PRKCA: variants seen among roughly 807,000 people sequenced by gnomAD.
The protein encoded by PRKCA is protein kinase C alpha type.
A neutral mutation model predicts 87.0 loss-of-function variants in PRKCA; 27 were observed. The ratio of observed to expected loss-of-function variants is 0.31; its 90% CI spans 0.23 to 0.43. PRKCA has a LOEUF of 0.43. PRKCA is among the 20% of genes least tolerant of loss of function. The probability of loss-of-function intolerance (pLI) is 1.00; values close to 1 mark genes in which losing one functional copy is unlikely to be tolerated. For synonymous variants in PRKCA, 329 were observed against 311.1 expected, an observed-to-expected ratio of 1.06 and a Z score of -0.61; for missense variants, 518 against 852.3, an observed-to-expected ratio of 0.61 and a Z score of 4.88.
At chr17:66,708,120 T>C (rs1973233408) in intron 8 of PRKCA, among the ~76,000 whole-genome samples, 1 of 152,200 alleles carries the variant, frequency 6.6e-6, no homozygotes, top group Non-Finnish European at 1.5e-5. Context: ...GTACACATGA[T>C]GGTGGCACTT....
chr17:66,381,097 G>T (rs914159818), intron 2 of PRKCA, among the ~76,000 whole-genome samples: 2 of 151,838 alleles, frequency 1.3e-5, no homozygotes, highest in Non-Finnish European at 2.9e-5. Flanking sequence ...AAGCCACCAC[G>T]CCCAGCTAAG....
chr17:66,678,008 A>G (rs1972383559), intron 5 of PRKCA, among the ~76,000 whole-genome samples: 1 of 152,206 alleles, frequency 6.6e-6, no homozygotes, highest in Admixed American at 6.5e-5. Context: ...CCACCACCCA[A>G]AGACATCAGA....
chr17:66,340,433 G>C (rs996492987), intron 2 of PRKCA, among the ~76,000 whole-genome samples: 4 of 141,280 alleles, frequency 2.8e-5, no homozygotes, highest in African/African-American at 1.1e-4. Flanking sequence ...GCCCCAGTTT[G>C]GTTTAAGTTT....
chr17:66,616,663 A>G (rs985270390), intron 3 of PRKCA, among the ~76,000 whole-genome samples: 6 of 152,040 alleles, frequency 3.9e-5, no homozygotes, highest in South Asian at 4.1e-4. Flanking sequence ...GATGGTGGAA[A>G]CCACTTAGTG....
intron 3 of PRKCA, among the ~76,000 whole-genome samples, chr17:66,632,250 A>G (rs1220684429): frequency 1.3e-5 from 2 of 152,224 alleles, no homozygotes; most frequent in Admixed American, 1.3e-4. Context: ...AGATAATGTT[A>G]AAAGTCTCAT....
At chr17:66,749,342 C>A (rs1249755364) in intron 13 of PRKCA, among the ~76,000 whole-genome samples, 1 of 151,268 alleles carries the variant, frequency 6.6e-6, no homozygotes, top group Non-Finnish European at 1.5e-5. Context: ...CCTTTCCACT[C>A]TCCAATTTGC....
chr17:66,373,676 T>C (rs1598622809), intron 2 of PRKCA, among the ~76,000 whole-genome samples: 1 of 152,240 alleles, frequency 6.6e-6, no homozygotes, highest in African/African-American at 2.4e-5. Flanking sequence ...GGTATTGCTT[T>C]TGCCATTCAG....
At chr17:66,756,959 G>A (rs550554929) in intron 13 of PRKCA, among the ~76,000 whole-genome samples, 3 of 152,316 alleles carry the variant, frequency 2.0e-5, no homozygotes, top group South Asian at 4.1e-4. Context: ...CACCGTGCCT[G>A]GCCATAACCA....
chr17:66,794,583 C>T (rs771117526), intron 16 of PRKCA, among the ~76,000 whole-genome samples: 17 of 147,878 alleles, frequency 1.1e-4, no homozygotes, highest in East Asian at 4.0e-4. Context: ...TTAGCATGTT[C>T]GTGTTATATT....
At chr17:66,767,664 A>G (rs1974841215) in intron 13 of PRKCA, among the ~76,000 whole-genome samples, 1 of 152,128 alleles carries the variant, frequency 6.6e-6, no homozygotes. Flanking sequence ...AAATCAGGCA[A>G]CCCTCCTCCA....
At chr17:66,664,806 A>T (rs538123660) in intron 5 of PRKCA, among the ~76,000 whole-genome samples, 14 of 151,936 alleles carry the variant, frequency 9.2e-5, no homozygotes, top group Admixed American at 7.2e-4. Context: ...ACACCCAGAT[A>T]ATTTTTTAAA....
intron 5 of PRKCA, among the ~76,000 whole-genome samples, chr17:66,684,989 T>A (rs1972586973): frequency 1.3e-5 from 2 of 152,218 alleles, no homozygotes; most frequent in Admixed American, 1.3e-4. Context: ...TCAGGGTTGA[T>A]GTTTTAGTGG....
At chr17:66,512,794 G>A (rs1335344695) in intron 3 of PRKCA, among the ~76,000 whole-genome samples, 2 of 152,226 alleles carry the variant, frequency 1.3e-5, no homozygotes, top group East Asian at 3.9e-4. Context: ...CCAGGTTCGA[G>A]CAATTCTCCT....
intron 2 of PRKCA, among the ~76,000 whole-genome samples, chr17:66,408,344 A>G (rs1911540950): frequency 6.6e-6 from 1 of 152,208 alleles, no homozygotes; most frequent in African/African-American, 2.4e-5. Context: ...TACCTTTGTA[A>G]TGGTATAATT....
At chr17:66,305,976 A>T in intron 1 of PRKCA, 120 bp from the exon 2 acceptor site, 1 of 905,646 alleles carries the variant, frequency 1.1e-6, no homozygotes, top group Admixed American at 2.1e-5. Flanking sequence ...TTTTCTATTA[A>T]ATCATTGGGT....
Position 66,688,444 on chromosome 17 carries a change from AGCCGCTTAG to A in PRKCA, c.821+10_821+18del, listed in dbSNP as rs1310854047. On this transcript the variant is annotated intron_variant, in intron 7 of 16. Transcript: ENST00000413366. ...GATGCCGGCCAGTGGATGGTATGGAAGCCGCTTAGGTTGAGTATGTCTCAAAGCATCAGA... is the reference window on the plus strand; with the variant it reads ...GATGCCGGCCAGTGGATGGTATGGAAGTTGAGTATGTCTCAAAGCATCAGA... The A allele has an allele frequency of 1.9e-6, 3 of 1,613,976 alleles. No homozygotes were observed. In the African/African-American group the frequency reaches 4.0e-5, roughly 22 times the overall value.
chr17:66,313,528 T>C (rs897583208), intron 2 of PRKCA, among the ~76,000 whole-genome samples: 15 of 152,204 alleles, frequency 9.9e-5, no homozygotes, highest in African/African-American at 3.4e-4. Context: ...ATAAATCTTA[T>C]TGCACAAATA....
chr17:66,462,753 A>G (rs1914907910), intron 2 of PRKCA, among the ~76,000 whole-genome samples: 2 of 152,160 alleles, frequency 1.3e-5, no homozygotes, highest in African/African-American at 4.8e-5. Context: ...TTTGCTTTCT[A>G]TAAAAATGTT....
intron 2 of PRKCA, among the ~76,000 whole-genome samples, chr17:66,365,330 A>G (rs1908646034): frequency 6.6e-6 from 1 of 152,166 alleles, no homozygotes; most frequent in Admixed American, 6.5e-5. Flanking sequence ...AGTGGGAGGA[A>G]GGTGTATCCG....
Sources: gnomAD v4.1 joint callset for allele counts (sites outside exome capture counted in the v4.1 genomes callset) on GRCh38, gnomAD v4.1.1 for gene constraint, MANE v1.5 for transcripts, NCBI Gene and HGNC (gene_info 2026-07-23, HGNC 2026-07-21) for gene names.